Variants in DLG2 observed in about 807,000 individuals in gnomAD.
DLG2 encodes discs large MAGUK scaffold protein 2, also known as disks large homolog 2.
In DLG2, 45 loss-of-function variants were observed where a neutral mutation model predicts 132.5. The observed-to-expected ratio is 0.34, with a 90% CI of 0.27 to 0.44. The LOEUF (loss-of-function observed/expected upper bound fraction) is 0.44. Among genes scored for constraint, DLG2 ranks in the 20% least tolerant of loss-of-function variants. The probability of loss-of-function intolerance (pLI) is 1.00; values close to 1 mark genes in which losing one functional copy is unlikely to be tolerated. For synonymous variants in DLG2, 424 were observed against 419.6 expected, an observed-to-expected ratio of 1.01 and a Z score of -0.13; for missense variants, 1,045 against 1,196.9, an observed-to-expected ratio of 0.87 and a Z score of 1.87.
At chr11:84,885,611 G>A (rs1039577288) in intron 6 of DLG2, among the ~76,000 whole-genome samples, 2 of 152,032 alleles carry the variant, frequency 1.3e-5, no homozygotes, top group African/African-American at 4.8e-5. Context: ...AAACCACTTA[G>A]TTCCTTAAAG....
intron 3 of DLG2, among the ~76,000 whole-genome samples, chr11:85,493,726 GA>G (rs2093612623): frequency 7.1e-6 from 1 of 140,772 alleles, no homozygotes. Flanking sequence ...GAGGGTAGGA[GA>G]GAAGAGGGGA....
At chr11:84,317,662 A>C (rs949995825) in intron 7 of DLG2, among the ~76,000 whole-genome samples, 3 of 152,218 alleles carry the variant, frequency 2.0e-5, no homozygotes, top group African/African-American at 7.2e-5. Context: ...ATAAGCAATA[A>C]AAAATGATGG....
intron 6 of DLG2, among the ~76,000 whole-genome samples, chr11:84,828,823 G>A (rs768594836): frequency 2.6e-5 from 4 of 151,680 alleles, no homozygotes; most frequent in African/African-American, 7.3e-5. Flanking sequence ...TTTATTGTAC[G>A]GCTATGTGTT....
intron 16 of DLG2, 144 bp from the exon 17 acceptor site, chr11:83,833,914 A>T: frequency 1.2e-6 from 1 of 826,656 alleles, no homozygotes. Context: ...GCACATCAAG[A>T]AAGAGGCTAA....
intron 6 of DLG2, among the ~76,000 whole-genome samples, chr11:84,594,654 A>G (rs563847602): frequency 6.6e-6 from 1 of 152,346 alleles, no homozygotes; most frequent in East Asian, 1.9e-4. Flanking sequence ...TTTAAATGGC[A>G]TGCAAAACAA....
At chr11:83,611,291 G>T (rs1206696886) in intron 19 of DLG2, among the ~76,000 whole-genome samples, 1 of 151,730 alleles carries the variant, frequency 6.6e-6, no homozygotes, top group Non-Finnish European at 1.5e-5. Context: ...AGGGGGGAAG[G>T]GGGAGAGAGA....
At chr11:85,505,547 C>A (rs878954688) in intron 3 of DLG2, among the ~76,000 whole-genome samples, 2 of 152,144 alleles carry the variant, frequency 1.3e-5, no homozygotes, top group Non-Finnish European at 2.9e-5. Context: ...GTTGAACCAG[C>A]CTTGCATCCC....
chr11:83,669,937 C>T (rs1014445497), intron 18 of DLG2, among the ~76,000 whole-genome samples: 6 of 152,108 alleles, frequency 3.9e-5, no homozygotes, highest in Admixed American at 3.9e-4. Flanking sequence ...AGTTTAAAAC[C>T]AAATCTTGAC....
chr11:85,292,998 C>A (rs2079007806), intron 3 of DLG2, among the ~76,000 whole-genome samples: 1 of 151,924 alleles, frequency 6.6e-6, no homozygotes, highest in Admixed American at 6.6e-5. Context: ...CTCTTAATGA[C>A]TAAATCTGAA....
At chr11:85,366,833 A>G (rs183392807) in intron 3 of DLG2, among the ~76,000 whole-genome samples, 19 of 152,258 alleles carry the variant, frequency 1.2e-4, no homozygotes, top group Admixed American at 2.0e-4. Flanking sequence ...TATTAATCTT[A>G]TAAGCTTTGC....
chr11:85,150,179 T>C (rs886905776), intron 5 of DLG2, among the ~76,000 whole-genome samples: 4 of 151,612 alleles, frequency 2.6e-5, no homozygotes, highest in Admixed American at 6.6e-5. Context: ...GCCACTATGC[T>C]CGGCTAATTT....
intron 6 of DLG2, among the ~76,000 whole-genome samples, chr11:84,593,804 A>T (rs997838843): frequency 2.6e-5 from 4 of 152,220 alleles, no homozygotes; most frequent in African/African-American, 7.2e-5. Flanking sequence ...TATAATTTAA[A>T]AAAAGAAAAA....
At position 84,584,701 on chromosome 11, in the gene DLG2, T is replaced by C. The variant is rs2099525082; in HGVS notation, c.358-49970A>G. 4.0e-5 allele frequency among the ~76,000 whole-genome samples: 4 copies of C among 100,972 alleles called. No homozygotes were observed. In the South Asian group the frequency reaches 1.5e-3, roughly 38 times the overall value. The allele number at this position is 100,972 out of a possible 152,430, so 66.2% of individuals were successfully genotyped here. A position where few individuals can be genotyped will look rare whatever the true frequency, so the allele number is the denominator to read the frequency against. ...TTTTTTTTTTTTTTTTTTTTTTTTT[T>C]TTTTTGAGACGGAGTCTCGCTCTGT... On this transcript the variant is annotated intron_variant, in intron 6 of 27. Transcript: ENST00000376104.
chr11:84,196,263 TC>T (rs2096514898), intron 8 of DLG2, among the ~76,000 whole-genome samples: 1 of 152,154 alleles, frequency 6.6e-6, no homozygotes, highest in Non-Finnish European at 1.5e-5. Context: ...GCTATCTGAC[TC>T]AAGAGACAAG....
At chr11:85,410,519 C>T (rs2089218195) in intron 3 of DLG2, among the ~76,000 whole-genome samples, 1 of 151,602 alleles carries the variant, frequency 6.6e-6, no homozygotes, top group Admixed American at 6.6e-5. Context: ...CAATCTGCCC[C>T]AAAATTGTAA....
intron 6 of DLG2, among the ~76,000 whole-genome samples, chr11:84,665,182 A>T (rs1432973981): frequency 6.6e-6 from 1 of 152,138 alleles, no homozygotes. Context: ...AATTTTAAGT[A>T]TGTTTGTTAT....
At chr11:84,146,755 C>T (rs1172160223) in intron 9 of DLG2, among the ~76,000 whole-genome samples, 1 of 151,974 alleles carries the variant, frequency 6.6e-6, no homozygotes, top group Non-Finnish European at 1.5e-5. Flanking sequence ...TTTGGGGTAC[C>T]TAGATATAAG....
chr11:84,728,254 G>T (rs1430848825), intron 6 of DLG2, among the ~76,000 whole-genome samples: 2 of 152,082 alleles, frequency 1.3e-5, no homozygotes, highest in Non-Finnish European at 2.9e-5. Context: ...ATTATTTTGA[G>T]ATACGTTCCA....
At chr11:84,708,897 T>C (rs971232088) in intron 6 of DLG2, among the ~76,000 whole-genome samples, 1 of 151,876 alleles carries the variant, frequency 6.6e-6, no homozygotes, top group African/African-American at 2.4e-5. Context: ...TCATCTGGCC[T>C]TTTAAATAAA....
Sources: allele counts gnomAD v4.1 joint callset (sites outside exome capture counted in the v4.1 genomes callset), GRCh38; gene constraint gnomAD v4.1.1; transcripts MANE v1.5; gene names NCBI Gene and HGNC (gene_info 2026-07-23, HGNC 2026-07-21).